Variants in ELAVL4 observed in about 807,000 individuals in gnomAD.
ELAVL4 encodes ELAV-like protein 4.
ELAVL4 carries 1 observed loss-of-function variant against 35.6 expected under a neutral mutation model. That is an observed-to-expected ratio of 0.03 (90% confidence interval 0.01 to 0.13). The LOEUF is 0.13. ELAVL4 is among the 10% of genes least tolerant of loss of function. ELAVL4 has a pLI of 1.00. For missense variants in ELAVL4, 267 were observed against 464.9 expected, an observed-to-expected ratio of 0.57 and a Z score of 3.91; for synonymous variants, 156 against 171.0, an observed-to-expected ratio of 0.91 and a Z score of 0.69.
chr1:50,127,064 AATAAAGAGTCACCCATTCCTC>A (rs778629483), intron 1 of ELAVL4, among the ~76,000 whole-genome samples: 7 of 152,126 alleles, frequency 4.6e-5, no homozygotes, highest in African/African-American at 7.2e-5. Context: ...AGCATTTTAA[AATAAAGAGTCACCCATTCCTC>A]TTACGATTAT....
intron 1 of ELAVL4, among the ~76,000 whole-genome samples, chr1:50,130,426 C>A (rs1282064579): frequency 1.3e-5 from 2 of 152,136 alleles, no homozygotes; most frequent in Non-Finnish European, 2.9e-5. Context: ...TGACAATACC[C>A]ACTTCTCAAA....
At chr1:50,065,862 C>T (rs1241576611) in intron 1 of ELAVL4, among the ~76,000 whole-genome samples, 1 of 152,086 alleles carries the variant, frequency 6.6e-6, no homozygotes, top group Non-Finnish European at 1.5e-5. Flanking sequence ...ATGGCCTTGG[C>T]TGGGCTCACT....
At chr1:50,096,675 T>G (rs2148510006) in intron 1 of ELAVL4, among the ~76,000 whole-genome samples, 1 of 152,250 alleles carries the variant, frequency 6.6e-6, no homozygotes, top group African/African-American at 2.4e-5. Flanking sequence ...AACAATTTCA[T>G]GTTTCAACCT....
chr1:50,124,977 G>A (rs139413516), intron 1 of ELAVL4, among the ~76,000 whole-genome samples: 138 of 152,172 alleles, frequency 9.1e-4, no homozygotes, highest in African/African-American at 3.2e-3. Flanking sequence ...TTGAGTGCCT[G>A]CCAGACACTG....
At chr1:50,137,509 A>T (rs972965973) in intron 1 of ELAVL4, among the ~76,000 whole-genome samples, 1 of 152,094 alleles carries the variant, frequency 6.6e-6, no homozygotes, top group Non-Finnish European at 1.5e-5. Context: ...CCCAGTCAAA[A>T]AAAAGGGAAG....
chr1:50,131,425 T>C (rs1343538800), intron 1 of ELAVL4, among the ~76,000 whole-genome samples: 3 of 152,274 alleles, frequency 2.0e-5, no homozygotes, highest in African/African-American at 7.2e-5. Context: ...TTATTTATTC[T>C]CTTATAATCT....
intron 3 of ELAVL4, among the ~76,000 whole-genome samples, chr1:50,186,152 G>T (rs1681796196): frequency 6.6e-6 from 1 of 152,206 alleles, no homozygotes; most frequent in African/African-American, 2.4e-5. Flanking sequence ...CCTACTAGGT[G>T]CCAGACACCC....
intron 2 of ELAVL4, among the ~76,000 whole-genome samples, chr1:50,161,601 G>A (rs1007650372): frequency 3.9e-5 from 6 of 152,244 alleles, no homozygotes; most frequent in Admixed American, 2.6e-4. Context: ...GTTTATTGAG[G>A]TGTATTTTTG....
At chr1:50,151,834 G>T (rs555844259) in intron 2 of ELAVL4, among the ~76,000 whole-genome samples, 1 of 152,192 alleles carries the variant, frequency 6.6e-6, no homozygotes, top group African/African-American at 2.4e-5. Context: ...GGGAAGAGGG[G>T]GTTGGCTATT....
intron 1 of ELAVL4, among the ~76,000 whole-genome samples, chr1:50,129,991 G>GCA (rs1159676953): frequency 6.6e-6 from 1 of 152,120 alleles, no homozygotes; most frequent in Non-Finnish European, 1.5e-5. Context: ...AACTTAAATT[G>GCA]CACTGCAGAG....
chr1:50,087,615 G>T (rs1325185743), intron 1 of ELAVL4, among the ~76,000 whole-genome samples: 5 of 152,144 alleles, frequency 3.3e-5, no homozygotes, highest in Non-Finnish European at 7.3e-5. Context: ...TTCAAAATTT[G>T]CATATTGAAG....
chr1:50,121,008 G>A (rs1668938571), intron 1 of ELAVL4, among the ~76,000 whole-genome samples: 1 of 151,948 alleles, frequency 6.6e-6, no homozygotes, highest in Non-Finnish European at 1.5e-5. Context: ...AGCCCTGGAG[G>A]GCATAGATCA....
chr1:50,068,527 G>A (rs1002452940), intron 1 of ELAVL4, among the ~76,000 whole-genome samples: 1 of 151,916 alleles, frequency 6.6e-6, no homozygotes, highest in Non-Finnish European at 1.5e-5. Flanking sequence ...AACTCCACAG[G>A]GGCACAGGAG....
upstream of ELAVL4, among the ~76,000 whole-genome samples, chr1:50,105,158 T>C (rs1666204025): frequency 6.6e-6 from 1 of 152,236 alleles, no homozygotes; most frequent in Non-Finnish European, 1.5e-5. Flanking sequence ...ACCTAATTTC[T>C]ACCCAGAAGA....
At chr1:50,188,118 A>G (rs1682111422) in intron 3 of ELAVL4, among the ~76,000 whole-genome samples, 1 of 152,106 alleles carries the variant, frequency 6.6e-6, no homozygotes, top group Non-Finnish European at 1.5e-5. Context: ...AATCATGGCC[A>G]GCAATAGTGT....
At chr1:50,141,590 C>A (rs2148676150) in intron 1 of ELAVL4, among the ~76,000 whole-genome samples, 1 of 152,308 alleles carries the variant, frequency 6.6e-6, no homozygotes, top group East Asian at 1.9e-4. Context: ...CTCTGTAATG[C>A]CATCCCTTTA....
chr1:50,106,518 A>G (rs1666325695), upstream of ELAVL4: 2 of 690,646 alleles, frequency 2.9e-6, no homozygotes, highest in Middle Eastern at 2.4e-4. Context: ...AAAAAAAATC[A>G]TGCATGACTG....
At chr1:50,068,745 G>A (rs72907711) in intron 1 of ELAVL4, among the ~76,000 whole-genome samples, 264 of 152,232 alleles carry the variant, frequency 1.7e-3, no homozygotes, top group African/African-American at 6.0e-3. Flanking sequence ...TGAAATATAC[G>A]GATAAGTTAA....
At chr1:50,178,284 G>A (rs1680423096) in intron 3 of ELAVL4, among the ~76,000 whole-genome samples, 1 of 152,190 alleles carries the variant, frequency 6.6e-6, no homozygotes, top group South Asian at 2.1e-4. Context: ...ATCTATAGAT[G>A]GCACCAGCTC....
Sources: gnomAD v4.1 joint callset for allele counts (sites outside exome capture counted in the v4.1 genomes callset) on GRCh38, gnomAD v4.1.1 for gene constraint, MANE v1.5 for transcripts, NCBI Gene and HGNC (gene_info 2026-07-23, HGNC 2026-07-21) for gene names.